The following PABIR3 variants were observed in gnomAD, a reference collection of about 807,000 sequenced individuals.
The protein encoded by PABIR3 is PABIR family member 1.
Under a neutral mutation model 23.1 loss-of-function variants are expected in PABIR3, and 20 were observed. The ratio of observed to expected loss-of-function variants is 0.86; its 90% CI spans 0.61 to 1.26. The LOEUF is 1.26. Ranked by LOEUF, PABIR3 falls within the 50% of genes most tolerant of loss-of-function variation. PABIR3 has a pLI of 0.00. For missense variants in PABIR3, 189 were observed against 195.4 expected, an observed-to-expected ratio of 0.97 and a Z score of 0.20; for synonymous variants, 69 against 68.5, an observed-to-expected ratio of 1.01 and a Z score of -0.04.
chrX:134,839,770 C>T (rs1441454981), intron 4 of PABIR3, among the ~76,000 whole-genome samples: 2 of 109,716 alleles, frequency 1.8e-5, no homozygotes, highest in East Asian at 3.0e-4. Flanking sequence ...CCAGCCGCCT[C>T]GTCCGGGAGG....
At chrX:134,842,637 C>T (rs1009789014) in intron 4 of PABIR3, among the ~76,000 whole-genome samples, 1 of 111,664 alleles carries the variant, frequency 9.0e-6, no homozygotes, top group Non-Finnish European at 1.9e-5. Context: ...GTGGCTCACG[C>T]CTGTAATCCC....
intron 1 of PABIR3, 84 bp downstream of exon 1, chrX:134,807,425 G>A: frequency 1.9e-5 from 20 of 1,035,406 alleles, no homozygotes; most frequent in Non-Finnish European, 2.4e-5. Flanking sequence ...TGTGTTCACT[G>A]ATGTTAGGGC....
rs764188846 is a variant in PABIR3 at position 134,854,053 on chromosome X, G to A, written c.687-38G>A. On this transcript the variant is annotated intron_variant, in intron 10 of 10. Coordinates refer to ENST00000645433, the MANE Select transcript of PABIR3 (RefSeq NM_001388447.1). Reference sequence around the variant, plus strand: ...AGCAGAGTATACAGAGAGATCTCTTGAGTTCTGCTATCAATGAGTGGCATT... The same window carrying A: ...AGCAGAGTATACAGAGAGATCTCTTAAGTTCTGCTATCAATGAGTGGCATT... 4.2e-6 allele frequency: 5 copies of A among 1,200,331 alleles called. No individual in the cohort carries two copies. In the South Asian group the frequency reaches 9.0e-5, roughly 22 times the overall value.
chrX:134,841,970 G>C (rs2082250027), intron 4 of PABIR3, among the ~76,000 whole-genome samples: 2 of 112,182 alleles, frequency 1.8e-5, no homozygotes, highest in African/African-American at 6.5e-5. Context: ...CTGTGTGACA[G>C]AGTGAGATCC....
At chrX:134,850,628 A>T (rs1423054698) in intron 9 of PABIR3, among the ~76,000 whole-genome samples, 1 of 112,458 alleles carries the variant, frequency 8.9e-6, no homozygotes, top group African/African-American at 3.2e-5. Context: ...ACCAGATTAA[A>T]ATAGTTCTCC....
upstream of PABIR3, chrX:134,804,105 G>A: frequency 1.6e-6 from 1 of 641,559 alleles, no homozygotes; most frequent in Non-Finnish European, 2.4e-6. Context: ...TTATAGGTGA[G>A]GGCCTGGGAC....
intron 4 of PABIR3, among the ~76,000 whole-genome samples, chrX:134,841,231 G>A (rs1273778661): frequency 9.0e-6 from 1 of 110,775 alleles, no homozygotes; most frequent in African/African-American, 3.3e-5. Context: ...CCAAAGTGCT[G>A]GGATTACAGG....
chrX:134,807,152 A>G (rs1198032972), upstream of PABIR3: 12 of 774,516 alleles, frequency 1.5e-5, no homozygotes, highest in Non-Finnish European at 1.7e-5. Flanking sequence ...CTGCATCACA[A>G]CAGGCGTCGT....
At chrX:134,849,291 C>A in intron 9 of PABIR3, 63 bp downstream of exon 9, 1 of 488,158 alleles carries the variant, frequency 2.0e-6, no homozygotes, top group South Asian at 9.7e-5. Flanking sequence ...TATCTAAAAT[C>A]AAATGTTATA....
intron 2 of PABIR3, chrX:134,810,771 T>C (rs2080610017): frequency 2.7e-6 from 2 of 753,619 alleles, no homozygotes; most frequent in African/African-American, 2.3e-5. Flanking sequence ...CAGTAAAGCA[T>C]TCTTTTCAGA....
chrX:134,852,613 T>G (rs765023685), intron 9 of PABIR3, among the ~76,000 whole-genome samples, 187 bp from the exon 10 acceptor site: 1 of 111,650 alleles, frequency 9.0e-6, no homozygotes, highest in African/African-American at 3.2e-5. Flanking sequence ...AAAACAATTG[T>G]GTATACAACA....
At chrX:134,848,973 A>G (rs1410776730) in intron 8 of PABIR3, among the ~76,000 whole-genome samples, 194 bp from the exon 9 acceptor site, 1 of 112,063 alleles carries the variant, frequency 8.9e-6, no homozygotes, top group Admixed American at 9.5e-5. Context: ...ACTGCACTCC[A>G]GCCTCGGTGA....
intron 3 of PABIR3, among the ~76,000 whole-genome samples, chrX:134,825,828 CT>C (rs61066719): frequency 0.044 from 3,218 of 73,736 alleles, 109 homozygotes; most frequent in African/African-American, 0.13. Flanking sequence ...ACGCCCGGAT[CT>C]TTTTTTTTTT....
downstream of PABIR3, among the ~76,000 whole-genome samples, chrX:134,855,075 C>A (rs1198023293): frequency 9.1e-6 from 1 of 110,464 alleles, no homozygotes; most frequent in Non-Finnish European, 1.9e-5. Flanking sequence ...TTGTTTAAAC[C>A]CTGATTTTCT....
Position 134,822,009 on chromosome X carries a change from C to G in PABIR3, c.189+7160C>G, listed in dbSNP as rs757225113. The G allele has an allele frequency of 6.6e-6, 5 of 756,702 alleles. No homozygotes were observed. In the East Asian group the frequency reaches 4.4e-4, roughly 66 times the overall value. The allele number at this position is 756,702 out of a possible 1,213,427, so 62.4% of individuals were successfully genotyped here. A position where few individuals can be genotyped will look rare whatever the true frequency, so the allele number is the denominator to read the frequency against. ...ATGGAACTAAGCTTGGTTTTTCCTC[C>G]TATCTTAATCCTTTCACTGGAGATA... On this transcript the variant is annotated intron_variant, in intron 3 of 10. Coordinates refer to ENST00000645433, the MANE Select transcript of PABIR3 (RefSeq NM_001388447.1).
In PABIR3 at chrX:134,847,344, A is replaced by G. The variant is rs768938678; in HGVS notation, c.346-39A>G. ...ATCTCAAGTATTTGATTAATAAGCA[A>G]TTGGTGCTACAATTGTACACTGCTT... On this transcript the variant is annotated intron_variant, in intron 6 of 10. Transcript: ENST00000645433. 70 of 1,039,948 alleles carry G rather than the reference A, an allele frequency of 6.7e-5. 1 individual carries two copies. The highest frequency in any genetic ancestry group is 3.9e-5 in the South Asian group (2 of 51,201). The allele number at this position is 1,039,948 out of a possible 1,213,427, so 85.7% of individuals were successfully genotyped here. A position where few individuals can be genotyped will look rare whatever the true frequency, so the allele number is the denominator to read the frequency against.
chrX:134,825,551 C>G (rs2081467176), intron 3 of PABIR3, among the ~76,000 whole-genome samples: 1 of 112,111 alleles, frequency 8.9e-6, no homozygotes, highest in Admixed American at 9.5e-5. Flanking sequence ...GAAGGGTCAG[C>G]TAGTAGCATT....
At chrX:134,840,082 CAT>C (rs1458361977) in intron 4 of PABIR3, among the ~76,000 whole-genome samples, 3 of 112,243 alleles carry the variant, frequency 2.7e-5, no homozygotes, top group African/African-American at 3.2e-5. Flanking sequence ...CTCTCTGAAA[CAT>C]GTGCTGTGTC....
intron 8 of PABIR3, among the ~76,000 whole-genome samples, chrX:134,848,178 G>T (rs1399886352): frequency 4.5e-5 from 5 of 110,761 alleles, no homozygotes; most frequent in African/African-American, 1.6e-4. Flanking sequence ...ATCACCTGAG[G>T]TAGGAAGTTC....
Sources: allele counts gnomAD v4.1 joint callset (sites outside exome capture counted in the v4.1 genomes callset), GRCh38; gene constraint gnomAD v4.1.1; transcripts MANE v1.5; gene names NCBI Gene and HGNC (gene_info 2026-07-23, HGNC 2026-07-21).